SCCPDH: variants seen among roughly 807,000 people sequenced by gnomAD.
SCCPDH encodes saccharopine dehydrogenase-like oxidoreductase.
SCCPDH carries 34 observed loss-of-function variants against 51.5 expected under a neutral mutation model. That is an observed-to-expected ratio of 0.66 (90% confidence interval 0.50 to 0.88). The LOEUF (loss-of-function observed/expected upper bound fraction) is 0.88, where lower values mean the gene tolerates loss of function less well. Among genes scored for constraint, SCCPDH ranks in the 40% least tolerant of loss-of-function variants. The pLI, the probability that SCCPDH is intolerant of heterozygous loss-of-function variation, is 0.00. For missense variants in SCCPDH, 464 were observed against 527.1 expected, an observed-to-expected ratio of 0.88 and a Z score of 1.17; for synonymous variants, 187 against 191.3, an observed-to-expected ratio of 0.98 and a Z score of 0.19.
intron 2 of SCCPDH, among the ~76,000 whole-genome samples, chr1:246,728,042 T>TAGA (rs33940517): frequency 0.36 from 54,299 of 151,718 alleles, 9,979 homozygotes; most frequent in Middle Eastern, 0.43. Flanking sequence ...GGGGTCGTAG[T>TAGA]GGTGCTGAGA....
In SCCPDH at chr1:246,726,980, A is replaced by C; in HGVS notation, c.279A>C (p.Thr93=). 6.2e-7 allele frequency: 1 copy of C among 1,613,454 alleles called. No homozygotes were observed. Among genetic ancestry groups the C allele is most frequent in the Non-Finnish European group, 8.5e-7 (1 of 1,179,316 alleles). The change falls in exon 2 of 12, where the codon ACA becomes ACC. Residue 93 remains threonine (T), a synonymous_variant. Transcript: ENST00000366510. ...ASLDEMAKQA[T]VVLNCVGPYR... ...TTGATGAAATGGCTAAACAGGCAAC[A>C]GTTGTCCTCAATTGCGTAGGACCAG...
intron 5 of SCCPDH, among the ~76,000 whole-genome samples, chr1:246,753,052 A>ACT (rs113895610): frequency 0.068 from 6,913 of 101,210 alleles, 463 homozygotes; most frequent in African/African-American, 0.22. Context: ...TTTTTCTTTG[A>ACT]CTCTCTCTCT....
At chr1:246,731,830 A>G (rs1486320518) in intron 2 of SCCPDH, among the ~76,000 whole-genome samples, 2 of 152,086 alleles carry the variant, frequency 1.3e-5, no homozygotes, top group Admixed American at 6.6e-5. Context: ...CGTCATTTAC[A>G]TTAGGTATTT....
At chr1:246,743,947 A>C (rs1016819863) in intron 4 of SCCPDH, 129 bp from the exon 5 acceptor site, 1 of 576,486 alleles carries the variant, frequency 1.7e-6, no homozygotes, top group Non-Finnish European at 3.1e-6. Context: ...TGTCTGTACA[A>C]ATTTTCTGTG....
At chr1:246,729,671 T>A (rs1356934572) in intron 2 of SCCPDH, among the ~76,000 whole-genome samples, 1 of 152,168 alleles carries the variant, frequency 6.6e-6, no homozygotes, top group African/African-American at 2.4e-5. Flanking sequence ...CACAGGGTCC[T>A]GAGGCAACAT....
chr1:246,730,179 A>G, intron 2 of SCCPDH, among the ~76,000 whole-genome samples: 1 of 151,988 alleles, frequency 6.6e-6, no homozygotes, highest in Non-Finnish European at 1.5e-5. Context: ...AACGCCTCCT[A>G]TTGGGCTTTT....
At chr1:246,728,402 T>G (rs1242307879) in intron 2 of SCCPDH, among the ~76,000 whole-genome samples, 1 of 152,198 alleles carries the variant, frequency 6.6e-6, no homozygotes, top group Non-Finnish European at 1.5e-5. Context: ...CTTTTTCTCC[T>G]CAGTACTCTG....
At chr1:246,759,182 G>T in intron 7 of SCCPDH, 31 bp downstream of exon 7, 1 of 1,166,228 alleles carries the variant, frequency 8.6e-7, no homozygotes, top group Non-Finnish European at 1.3e-6. Context: ...TATCAATAAA[G>T]TGTGTGTTAC....
At chr1:246,757,557 A>G (rs1668951205) in intron 5 of SCCPDH, among the ~76,000 whole-genome samples, 1 of 152,166 alleles carries the variant, frequency 6.6e-6, no homozygotes, top group African/African-American at 2.4e-5. Flanking sequence ...GAGTAAGATC[A>G]GGCAAATACT....
intron 10 of SCCPDH, 146 bp downstream of exon 10, chr1:246,764,503 A>G (rs1558175783): frequency 1.2e-5 from 6 of 502,374 alleles, no homozygotes; most frequent in Non-Finnish European, 2.1e-5. Context: ...TATTCTGTCA[A>G]AGGAAGATTG....
intron 1 of SCCPDH, 63 bp from the exon 2 acceptor site, chr1:246,726,826 AAAG>A (rs776619880): frequency 4.1e-5 from 47 of 1,133,098 alleles, no homozygotes; most frequent in East Asian, 1.4e-4. Context: ...ATTACTGTAA[AAAG>A]AAGATAAGGA....
intron 2 of SCCPDH, among the ~76,000 whole-genome samples, chr1:246,727,546 T>C (rs1668421836): frequency 6.6e-6 from 1 of 152,076 alleles, no homozygotes. Context: ...AGGATTGTAA[T>C]AGGAGGTAAT....
intron 9 of SCCPDH, among the ~76,000 whole-genome samples, chr1:246,762,705 G>A (rs1373784697): frequency 6.6e-6 from 1 of 152,044 alleles, no homozygotes; most frequent in Non-Finnish European, 1.5e-5. Flanking sequence ...GCTGGACATG[G>A]TGGTGCACGC....
chr1:246,739,804 C>A (rs1055116386), intron 3 of SCCPDH, among the ~76,000 whole-genome samples: 1 of 152,050 alleles, frequency 6.6e-6, no homozygotes, highest in Non-Finnish European at 1.5e-5. Context: ...TCTGTCTGTA[C>A]GTGTGCGGAG....
At chr1:246,746,107 CAAAAAAAAAAA>C (rs756929255) in intron 5 of SCCPDH, among the ~76,000 whole-genome samples, 10 of 79,586 alleles carry the variant, frequency 1.3e-4, no homozygotes, top group African/African-American at 6.4e-4. Context: ...GACTCCATCT[CAAAAAAAAAAA>C]AAAAAAAAAA....
intron 5 of SCCPDH, among the ~76,000 whole-genome samples, chr1:246,744,810 G>C (rs766852364): frequency 1.3e-5 from 2 of 151,382 alleles, no homozygotes; most frequent in African/African-American, 2.4e-5. Flanking sequence ...TTTTTCAGTA[G>C]AGTTGGTATT....
chr1:246,755,108 G>C (rs1220344748), intron 5 of SCCPDH, among the ~76,000 whole-genome samples: 3 of 152,128 alleles, frequency 2.0e-5, no homozygotes, highest in African/African-American at 7.2e-5. Flanking sequence ...AGATTTCTTT[G>C]AAGAAAACTG....
intron 1 of SCCPDH, among the ~76,000 whole-genome samples, chr1:246,725,194 T>G (rs1668374814): frequency 2.0e-5 from 3 of 152,252 alleles, no homozygotes; most frequent in Admixed American, 2.0e-4. Flanking sequence ...ATTTCTGGTT[T>G]AGACGCTTAC....
chr1:246,759,907 G>A, intron 7 of SCCPDH, 50 bp from the exon 8 acceptor site: 1 of 1,573,622 alleles, frequency 6.4e-7, no homozygotes, highest in South Asian at 1.2e-5. Context: ...TTCTTACTTG[G>A]TCCAAAATGT....
Sources: gnomAD v4.1 joint callset for allele counts (sites outside exome capture counted in the v4.1 genomes callset) on GRCh38, gnomAD v4.1.1 for gene constraint, MANE v1.5 for transcripts, NCBI Gene and HGNC (gene_info 2026-07-23, HGNC 2026-07-21) for gene names.